Variants in PPARGC1A observed in about 807,000 individuals in gnomAD.
PPARGC1A encodes PPARG coactivator 1 alpha.
A neutral mutation model predicts 88.7 loss-of-function variants in PPARGC1A; 25 were observed. That is an observed-to-expected ratio of 0.28 (90% CI 0.21 to 0.39). The LOEUF (loss-of-function observed/expected upper bound fraction) is 0.39, where lower values mean the gene tolerates loss of function less well. Among genes scored for constraint, PPARGC1A ranks in the 10% least tolerant of loss-of-function variants. The pLI is 1.00. For missense variants in PPARGC1A, 880 were observed against 968.7 expected (o/e 0.91, Z 1.22); for synonymous variants, 363 against 355.6 (o/e 1.02, Z -0.24).
the PPARGC1A span, among the ~76,000 whole-genome samples, chr4:24,401,695 A>T: frequency 7.9e-5 from 12 of 152,248 alleles, no homozygotes; most frequent in Admixed American, 5.2e-4. Flanking sequence ...AAAAGCACAG[A>T]TAGAATCGCA....
the PPARGC1A span, among the ~76,000 whole-genome samples, chr4:24,339,514 G>C: frequency 0.027 from 4,102 of 151,790 alleles, 154 homozygotes; most frequent in African/African-American, 0.082. Context: ...ATCCTCCATC[G>C]TGCTTTCTCT....
At chr4:24,238,381 C>CA in the PPARGC1A span, among the ~76,000 whole-genome samples, 1 of 152,180 alleles carries the variant, frequency 6.6e-6, no homozygotes, top group Admixed American at 6.5e-5. Context: ...GAACTTGCAA[C>CA]AAGGTCATTA....
chr4:24,430,303 G>C, the PPARGC1A span, among the ~76,000 whole-genome samples: 5 of 136,738 alleles, frequency 3.7e-5, no homozygotes, highest in Non-Finnish European at 7.6e-5. Flanking sequence ...CTGTCTCCCA[G>C]GCTGGAGTGC....
the PPARGC1A span, among the ~76,000 whole-genome samples, chr4:24,338,120 A>G: frequency 6.6e-6 from 1 of 152,174 alleles, no homozygotes; most frequent in East Asian, 1.9e-4. Flanking sequence ...AAGATCCATG[A>G]TGATTCTCGG....
the PPARGC1A span, among the ~76,000 whole-genome samples, chr4:24,196,998 T>A: frequency 4.6e-5 from 7 of 152,236 alleles, no homozygotes; most frequent in South Asian, 2.1e-4. Flanking sequence ...GATATTTTTA[T>A]GACTTGTCAG....
At chr4:24,033,780 G>T in the PPARGC1A span, among the ~76,000 whole-genome samples, 1 of 152,206 alleles carries the variant, frequency 6.6e-6, no homozygotes, top group Admixed American at 6.5e-5. Context: ...GTGTGAAACT[G>T]ACTAGGCAAA....
At chr4:24,381,218 T>C in the PPARGC1A span, among the ~76,000 whole-genome samples, 2 of 152,136 alleles carry the variant, frequency 1.3e-5, no homozygotes, top group Admixed American at 1.3e-4. Context: ...CGGGCCAAAA[T>C]GTGTCATTTA....
Position 23,831,606 on chromosome 4 carries a change from G to A in PPARGC1A, c.380C>T (p.Ser127Phe). The A allele has an allele frequency of 1.2e-6, 2 of 1,614,128 alleles. No individual in the cohort carries two copies. Among genetic ancestry groups the A allele is most frequent in the Non-Finnish European group, 1.7e-6 (2 of 1,180,004 alleles). The change falls in exon 3 of 13, where the codon TCC becomes TTC. Residue 127 changes from serine to phenylalanine, a missense_variant. Physicochemically the swap from Ser to Phe is radical, Grantham distance 155. Coordinates refer to ENST00000264867, the MANE Select transcript of PPARGC1A (RefSeq NM_013261.5). ...GGGTGGAGGGGTGCCGTCAGGCATG[G>A]AGGAAGGACTAGCCTCATTGTCAGT... The part of the protein sequence containing the change: ...VTTDNEASPS[S>F]MPDGTPPPQE...
the PPARGC1A span, among the ~76,000 whole-genome samples, chr4:24,319,454 T>C: frequency 6.6e-6 from 1 of 152,140 alleles, no homozygotes; most frequent in East Asian, 1.9e-4. Flanking sequence ...AGATAGACTA[T>C]GAACAAAGTA....
In PPARGC1A at chr4:23,812,807, C is replaced by T. The variant is rs1319697952; in HGVS notation, c.1959G>A (p.Glu653=). The part of the protein sequence containing the change: ...ERLKREEYRR[E]YEKRESERAK... ...CCCTCTCAGACTCTCGCTTCTCATA[C>T]TCTCTGCGATATTCTTCCCTCTTCA... The change falls in exon 10 of 13, where the codon GAG becomes GAA. Residue 653 remains glutamate (E), a synonymous_variant. Coordinates refer to ENST00000264867, the MANE Select transcript of PPARGC1A (RefSeq NM_013261.5). 1.2e-6 allele frequency: 2 copies of T among 1,613,972 alleles called. No homozygotes were observed. The highest frequency in any genetic ancestry group is 1.7e-6 in the Non-Finnish European group (2 of 1,180,018).
chr4:23,980,784 C>T, the PPARGC1A span, among the ~76,000 whole-genome samples: 4 of 152,084 alleles, frequency 2.6e-5, no homozygotes, highest in Admixed American at 2.0e-4. Flanking sequence ...TGAAGTGGAG[C>T]CTATATTTTC....
At chr4:23,842,301 G>A (rs2148613220) in intron 2 of PPARGC1A, among the ~76,000 whole-genome samples, 1 of 152,156 alleles carries the variant, frequency 6.6e-6, no homozygotes, top group South Asian at 2.1e-4. Context: ...ATCCTACTGG[G>A]TGTGATTTGC....
the PPARGC1A span, among the ~76,000 whole-genome samples, chr4:24,451,378 C>A: frequency 2.0e-5 from 3 of 152,200 alleles, no homozygotes; most frequent in Non-Finnish European, 4.4e-5. Flanking sequence ...TGGCTGACTT[C>A]TAAAACAAGC....
upstream of PPARGC1A, among the ~76,000 whole-genome samples, chr4:23,901,411 G>T (rs1180360731): frequency 6.7e-6 from 1 of 148,836 alleles, no homozygotes; most frequent in Non-Finnish European, 1.5e-5. Context: ...GGGCATGGTG[G>T]CATGCGCCTA....
chr4:23,974,571 T>G, the PPARGC1A span, among the ~76,000 whole-genome samples: 1 of 152,168 alleles, frequency 6.6e-6, no homozygotes, highest in East Asian at 1.9e-4. Flanking sequence ...GTTAGGAAAT[T>G]ACATAATTAG....
At chr4:23,815,169 T>C (rs953308834) in intron 7 of PPARGC1A, among the ~76,000 whole-genome samples, 2 of 146,596 alleles carry the variant, frequency 1.4e-5, no homozygotes, top group Middle Eastern at 3.6e-3. Context: ...TATGGGGCAA[T>C]GGTGAGAGTG....
At chr4:23,873,034 CA>C (rs923232330) in intron 2 of PPARGC1A, among the ~76,000 whole-genome samples, 13 of 146,502 alleles carry the variant, frequency 8.9e-5, no homozygotes, top group African/African-American at 1.7e-4. Flanking sequence ...ACTAAAAATA[CA>C]AAAAAAAAAT....
At chr4:23,914,122 A>C in the PPARGC1A span, among the ~76,000 whole-genome samples, 1 of 152,216 alleles carries the variant, frequency 6.6e-6, no homozygotes, top group Non-Finnish European at 1.5e-5. Flanking sequence ...GCTCTGTGCC[A>C]AGCACTATGC....
chr4:24,117,497 C>T, the PPARGC1A span, among the ~76,000 whole-genome samples: 1,826 of 151,498 alleles, frequency 0.012, 41 homozygotes, highest in African/African-American at 0.041. Flanking sequence ...TTTCAAAGGG[C>T]CTTCTAGTGG....
Sources: allele counts gnomAD v4.1 joint callset (sites outside exome capture counted in the v4.1 genomes callset), GRCh38; gene constraint gnomAD v4.1.1; transcripts MANE v1.5; gene names NCBI Gene and HGNC (gene_info 2026-07-23, HGNC 2026-07-21).